ZNF3: variants seen among roughly 807,000 people sequenced by gnomAD.
The protein encoded by ZNF3 is zinc finger protein 3.
In ZNF3, 16 loss-of-function variants were observed where a neutral mutation model predicts 36.9. That is an observed-to-expected ratio of 0.43 (90% CI 0.29 to 0.66). The LOEUF (loss-of-function observed/expected upper bound fraction) is 0.66. ZNF3 is among the 30% of genes least tolerant of loss of function. ZNF3 has a pLI of 0.13. For synonymous variants in ZNF3, 201 were observed against 201.9 expected, an observed-to-expected ratio of 1.00 and a Z score of 0.04; for missense variants, 462 against 543.1, an observed-to-expected ratio of 0.85 and a Z score of 1.48.
intron 3 of ZNF3, 49 bp from the exon 4 acceptor site, chr7:100,075,679 CTCCCAACCTGCTGACT>C: frequency 6.3e-7 from 1 of 1,580,582 alleles, no homozygotes; most frequent in Non-Finnish European, 8.7e-7. Flanking sequence ...GCTCTGTGAC[CTCCCAACCTGCTGACT>C]TCCCAACCCA....
At position 100,071,250 on chromosome 7, in the gene ZNF3, C is replaced by G; in HGVS notation, c.1234G>C (p.Val412Leu). The G allele has an allele frequency of 6.2e-7, 1 of 1,614,188 alleles. No homozygotes were observed. Among genetic ancestry groups the G allele is most frequent in the Non-Finnish European group, 8.5e-7 (1 of 1,180,030 alleles). Residue 412 changes from valine (V) to leucine (L), a missense_variant, in exon 6 of 6, where the codon GTT (valine) becomes CTT (leucine). Physicochemically the swap from Val to Leu is conservative, Grantham distance 32 (BLOSUM62 1). Transcript: ENST00000299667. ...CCAGTGTGAATTCTCTGATGGCGAA[C>G]AAGAGCCGAGCTGTACCTGAAGGCT... Reference protein sequence around the residue: ...GKAFRYSSALVRHQRIHTGEK... With the variant: ...GKAFRYSSALLRHQRIHTGEK...
intron 2 of ZNF3, chr7:100,079,255 G>A (rs1794619201): frequency 6.6e-6 from 1 of 152,214 alleles, no homozygotes; most frequent in African/African-American, 2.4e-5. Flanking sequence ...TCCTAGAAAG[G>A]CAGGTCAAAG....
At chr7:100,075,026 CAAA>C (rs199682529) in intron 5 of ZNF3, 106 bp downstream of exon 5, 2 of 1,253,456 alleles carry the variant, frequency 1.6e-6, no homozygotes, top group Admixed American at 5.1e-5. Flanking sequence ...CATTGCACCT[CAAA>C]AAAAAAATCT....
rs1205216181 is a variant in ZNF3, at chr7:100,072,155, C to G, written c.329G>C (p.Gly110Ala). ...CTTTTGAAATCTTCCCAGTAGGACC[C>G]CATGTGATCTTGTGTCTTCAGAAAT... ...QEISEDTRSH[G>A]VLLGRFQKDI... The change falls in exon 6 of 6, where the codon GGG (glycine) becomes GCG (alanine). Residue 110 changes from glycine to alanine, a missense_variant. Physicochemically the swap from Gly to Ala is moderately conservative, Grantham distance 60 (BLOSUM62 0). Transcript: ENST00000299667. The G allele has an allele frequency of 3.7e-6, 6 of 1,607,802 alleles. No individual in the cohort carries two copies. In the African/African-American group the frequency reaches 8.1e-5, roughly 22 times the overall value.
rs900699519 is a variant in ZNF3, at chr7:100,070,953, C to T, written c.*190G>A. 2 of 1,385,974 alleles carry T rather than the reference C, an allele frequency of 1.4e-6. No homozygotes were observed. The highest frequency in any genetic ancestry group is 1.9e-6 in the Non-Finnish European group (2 of 1,075,528). The allele number at this position is 1,385,974 out of a possible 1,614,324, so 85.9% of individuals were successfully genotyped here. ...CTGCTTTCTATTCCCAGCACGCCATCCACTTGCCTTGACGCTTTCTAAGGC... is the reference window on the plus strand; with the variant it reads ...CTGCTTTCTATTCCCAGCACGCCATTCACTTGCCTTGACGCTTTCTAAGGC... On this transcript the variant is annotated 3_prime_UTR_variant, in exon 6 of 6. Coordinates refer to ENST00000299667, the MANE Select transcript of ZNF3 (RefSeq NM_032924.5).
intron 5 of ZNF3, among the ~76,000 whole-genome samples, chr7:100,074,111 C>T (rs751339481): frequency 7.2e-5 from 11 of 151,896 alleles, no homozygotes; most frequent in Non-Finnish European, 1.2e-4. Context: ...GCCGAGACCA[C>T]GCTATTGCAC....
At chr7:100,077,184 G>C in intron 3 of ZNF3, 119 bp downstream of exon 3, 1 of 1,246,090 alleles carries the variant, frequency 8.0e-7, no homozygotes. Flanking sequence ...GAATGGCGAA[G>C]AGTGTGTCTT....
chr7:100,075,398 G>A, intron 4 of ZNF3, 137 bp from the exon 5 acceptor site: 1 of 1,536,174 alleles, frequency 6.5e-7, no homozygotes, highest in Non-Finnish European at 9.0e-7. Flanking sequence ...AAGAGAGACA[G>A]GAGTCCAAGA....
exon 6 of ZNF3, chr7:100,064,638 T>TGTC (rs749396757): frequency 6.2e-7 from 1 of 1,605,232 alleles, no homozygotes; most frequent in Admixed American, 1.7e-5. Context: ...CTCCTGTTGT[T>TGTC]GTCGTTGTTT....
intron 5 of ZNF3, 80 bp downstream of exon 5, chr7:100,075,055 T>C: frequency 6.6e-7 from 1 of 1,512,494 alleles, no homozygotes; most frequent in Admixed American, 2.2e-5. Context: ...AACAGCTCTT[T>C]TCAGTGACTA....
Position 100,071,584 on chromosome 7 carries a change from G to A in ZNF3, c.900C>T (p.Thr300=), listed in dbSNP as rs1197115174. ...GKTFSWSSTL[T]HHQRIHTGEK... is the part of the protein sequence containing the mutation. ...CACCAGTGTGGATTCTCTGATGGTGGGTGAGGGTGGAGCTCCAGCTGAAGG... is the reference window on the plus strand; with the variant it reads ...CACCAGTGTGGATTCTCTGATGGTGAGTGAGGGTGGAGCTCCAGCTGAAGG... Residue 300 remains threonine, a synonymous_variant, in exon 6 of 6, where the codon ACC becomes ACT. Transcript: ENST00000299667. 1 of 1,611,118 alleles carries A rather than the reference G, an allele frequency of 6.2e-7. No individual in the cohort carries two copies. Among genetic ancestry groups the A allele is most frequent in the South Asian group, 1.1e-5 (1 of 90,934 alleles).
At position 100,070,707 on chromosome 7, in the gene ZNF3, A is replaced by C; in HGVS notation, c.*436T>G. Reference sequence around the variant, plus strand: ...CGAAACTTAAAGCTGGACTAGGAACAGTAGCTTTGAAATAGTCTCCCTTTA... The same window carrying C: ...CGAAACTTAAAGCTGGACTAGGAACCGTAGCTTTGAAATAGTCTCCCTTTA... On this transcript the variant is annotated 3_prime_UTR_variant, in exon 6 of 6. Transcript: ENST00000299667. The C allele has an allele frequency of 1.0e-6, 1 of 997,500 alleles. No homozygotes were observed. Among genetic ancestry groups the C allele is most frequent in the Admixed American group, 5.4e-5 (1 of 18,398 alleles). 61.8% of individuals were successfully genotyped at this position (997,500 alleles called of 1,614,324 possible).
At chr7:100,079,344 G>C (rs1307594336) in intron 2 of ZNF3, among the ~76,000 whole-genome samples, 192 bp downstream of exon 2, 1 of 152,212 alleles carries the variant, frequency 6.6e-6, no homozygotes, top group African/African-American at 2.4e-5. Flanking sequence ...GCATATTGTT[G>C]AGAACAAGCA....
intron 5 of ZNF3, among the ~76,000 whole-genome samples, chr7:100,074,063 G>A (rs1244843861): frequency 6.6e-6 from 1 of 152,022 alleles, no homozygotes; most frequent in Non-Finnish European, 1.5e-5. Flanking sequence ...GCTGTGGCAG[G>A]AGAATTGCTT....
At chr7:100,066,487 T>C (rs377747003), downstream of ZNF3, among the ~76,000 whole-genome samples, 86 of 151,922 alleles carry the variant, frequency 5.7e-4, no homozygotes, top group African/African-American at 1.9e-3. Flanking sequence ...ATCCCAGCAC[T>C]TGGGAGGCCG....
chr7:100,070,921 C>T lies in ZNF3; in HGVS notation c.*222G>A. ...TCCTTTCCTAAATGGGGTAACTGGTCCCAGAGCTGCTTTCTATTCCCAGCA... is the reference window on the plus strand; with the variant it reads ...TCCTTTCCTAAATGGGGTAACTGGTTCCAGAGCTGCTTTCTATTCCCAGCA... On this transcript the variant is annotated 3_prime_UTR_variant, in exon 6 of 6. Coordinates refer to ENST00000299667, the MANE Select transcript of ZNF3 (RefSeq NM_032924.5). The T allele has an allele frequency of 7.4e-7, 1 of 1,346,968 alleles. No homozygotes were observed. The highest frequency in any genetic ancestry group is 1.5e-5 in the African/African-American group (1 of 68,326). The allele number at this position is 1,346,968 out of a possible 1,614,324, so 83.4% of individuals were successfully genotyped here.
rs141973828 is a variant in ZNF3 at position 100,064,513 on chromosome 7, G to A, written c.*275C>T. 5.1e-5 allele frequency: 82 copies of A among 1,614,076 alleles called. No individual in the cohort carries two copies. The East Asian group carries it at 1.5e-3, about 29-fold the overall frequency. On this transcript the variant is annotated 3_prime_UTR_variant, in exon 6 of 6. Coordinates refer to the ZNF3 transcript ENST00000413658. ...CAATAAACACCACAGAATCCACACC[G>A]GGGAAAAGCCCTACTGGTGTCATCA...
chr7:100,080,625 A>G (rs1425339244), intron 1 of ZNF3, among the ~76,000 whole-genome samples: 1 of 152,148 alleles, frequency 6.6e-6, no homozygotes, highest in Admixed American at 6.5e-5. Context: ...CAGCCTGGCC[A>G]AAAGGGCGGA....
chr7:100,075,185 T>A lies in ZNF3; in HGVS notation c.221A>T (p.Asp74Val). ...CTCCAGCATCACATCTCTATAGAGG[T>A]CCCTCTGAGCAGGTTCCAAACGCTT... ...EWKRLEPAQRDLYRDVMLENY... is the reference protein window; with the variant it reads ...EWKRLEPAQRVLYRDVMLENY... The change falls in exon 5 of 6, where the codon GAC becomes GTC. Residue 74 changes from aspartate to valine, a missense_variant. Coordinates refer to ENST00000299667, the MANE Select transcript of ZNF3 (RefSeq NM_032924.5). 1 of 1,614,084 alleles carries A rather than the reference T, an allele frequency of 6.2e-7. No homozygotes were observed. Among genetic ancestry groups the A allele is most frequent in the Non-Finnish European group, 8.5e-7 (1 of 1,180,002 alleles).
Sources: allele counts gnomAD v4.1 joint callset (sites outside exome capture counted in the v4.1 genomes callset), GRCh38; gene constraint gnomAD v4.1.1; transcripts MANE v1.5; gene names NCBI Gene and HGNC (gene_info 2026-07-23, HGNC 2026-07-21).